SLC24A3: variants seen among roughly 807,000 people sequenced by gnomAD.
The protein encoded by SLC24A3 is solute carrier family 24 member 3.
In SLC24A3, 28 loss-of-function variants were observed where a neutral mutation model predicts 75.8. The observed-to-expected ratio is 0.37, with a 90% CI of 0.27 to 0.51. The LOEUF (loss-of-function observed/expected upper bound fraction) is 0.51. Ranked by LOEUF, SLC24A3 falls within the 20% of genes least tolerant of loss-of-function variation. The pLI is 0.94. For synonymous variants in SLC24A3, 372 were observed against 334.1 expected (o/e 1.11, Z -1.24); for missense variants, 663 against 847.8 (o/e 0.78, Z 2.71).
chr20:19,400,690 C>A (rs184197049), intron 2 of SLC24A3, among the ~76,000 whole-genome samples: 178 of 152,238 alleles, frequency 1.2e-3, no homozygotes, highest in Admixed American at 2.2e-3. Flanking sequence ...CTCTCAACTG[C>A]ATCTCCCCAG....
chr20:19,381,165 T>C (rs1000552730), intron 2 of SLC24A3, among the ~76,000 whole-genome samples: 1 of 152,370 alleles, frequency 6.6e-6, no homozygotes, highest in Non-Finnish European at 1.5e-5. Context: ...TATTCATTTA[T>C]TCATTCAATT....
At chr20:19,447,855 C>T (rs755917754) in intron 2 of SLC24A3, among the ~76,000 whole-genome samples, 5 of 152,194 alleles carry the variant, frequency 3.3e-5, no homozygotes, top group Admixed American at 1.3e-4. Flanking sequence ...ACTTAATCCA[C>T]CTTCAGATCT....
intron 2 of SLC24A3, among the ~76,000 whole-genome samples, chr20:19,468,922 G>A (rs1346933729): frequency 1.3e-5 from 2 of 152,130 alleles, no homozygotes; most frequent in African/African-American, 4.8e-5. Context: ...GGAAGGGAAC[G>A]GTGGGTAATG....
intron 2 of SLC24A3, among the ~76,000 whole-genome samples, chr20:19,495,670 G>T (rs562880565): frequency 2.0e-5 from 3 of 152,196 alleles, no homozygotes; most frequent in Admixed American, 1.3e-4. Context: ...TGACTCCCTC[G>T]GCTGTGCCCA....
At chr20:19,240,746 G>A (rs1031408544) in intron 1 of SLC24A3, among the ~76,000 whole-genome samples, 8 of 152,206 alleles carry the variant, frequency 5.3e-5, no homozygotes, top group African/African-American at 1.9e-4. Context: ...GTGCTCTGGA[G>A]CACAACAACA....
intron 2 of SLC24A3, among the ~76,000 whole-genome samples, chr20:19,494,423 T>A (rs184147939): frequency 2.2e-4 from 33 of 152,324 alleles, no homozygotes; most frequent in African/African-American, 7.9e-4. Context: ...TGCTTGGTTC[T>A]GTCCAGACTC....
At chr20:19,507,069 A>G (rs1988471812) in intron 2 of SLC24A3, among the ~76,000 whole-genome samples, 1 of 152,254 alleles carries the variant, frequency 6.6e-6, no homozygotes, top group Non-Finnish European at 1.5e-5. Flanking sequence ...CTAAATATTT[A>G]GAAAATTAAG....
At chr20:19,269,621 T>C (rs1408402665) in intron 1 of SLC24A3, among the ~76,000 whole-genome samples, 1 of 152,222 alleles carries the variant, frequency 6.6e-6, no homozygotes, top group Admixed American at 6.5e-5. Context: ...CTGAAAGCTG[T>C]CTTCATTGTG....
chr20:19,515,374 G>T, intron 2 of SLC24A3, 114 bp from the exon 3 acceptor site: 1 of 993,088 alleles, frequency 1.0e-6, no homozygotes, highest in Non-Finnish European at 1.6e-6. Context: ...AAAGATTCAG[G>T]ATCTTTTTTT....
chr20:19,664,835 G>A (rs2032378655), intron 7 of SLC24A3, among the ~76,000 whole-genome samples: 1 of 152,200 alleles, frequency 6.6e-6, no homozygotes, highest in Admixed American at 6.5e-5. Context: ...ATGAAATATA[G>A]GTGTACTCAT....
intron 1 of SLC24A3, among the ~76,000 whole-genome samples, chr20:19,233,652 G>C (rs1243180200): frequency 6.6e-6 from 1 of 152,206 alleles, no homozygotes; most frequent in Non-Finnish European, 1.5e-5. Flanking sequence ...TATTGTGCAG[G>C]ACTGATCTTT....
At chr20:19,348,323 T>C (rs1227690673) in intron 2 of SLC24A3, among the ~76,000 whole-genome samples, 2 of 152,162 alleles carry the variant, frequency 1.3e-5, no homozygotes, top group Non-Finnish European at 2.9e-5. Context: ...TGTACTCTCA[T>C]TTTAGCACCT....
At chr20:19,255,209 C>T (rs1009626135) in intron 1 of SLC24A3, among the ~76,000 whole-genome samples, 3 of 152,250 alleles carry the variant, frequency 2.0e-5, no homozygotes, top group African/African-American at 7.2e-5. Flanking sequence ...TATTGTTCCT[C>T]TGCCAAGAGT....
At chr20:19,486,096 C>G (rs1215081542) in intron 2 of SLC24A3, among the ~76,000 whole-genome samples, 1 of 152,134 alleles carries the variant, frequency 6.6e-6, no homozygotes, top group Non-Finnish European at 1.5e-5. Flanking sequence ...GGCCCTGGCT[C>G]AGGTTCACTC....
intron 6 of SLC24A3, among the ~76,000 whole-genome samples, chr20:19,596,637 C>T (rs1423181881): frequency 1.3e-5 from 2 of 152,222 alleles, no homozygotes; most frequent in Non-Finnish European, 2.9e-5. Context: ...CTTACAGTCA[C>T]AGCTTCCCTT....
Position 19,212,890 on chromosome 20 carries a change from CCG to C in SLC24A3, c.50_51del (p.Arg17ProfsTer33). The stretch of plus-strand genomic sequence containing the variant: ...ACCGCGCGCGTCGCCGCCGCCGCCG[CCG>C]CCGCCGGAGGGACCTTCTGCTGAGC... ...EDRARRRRRRRRRRDLLLSQL... is the reference protein window; with the variant it reads ...EDRARRRRRRXRRRDLLLSQL... On this transcript the variant is annotated frameshift_variant, in exon 1 of 17. Transcript: ENST00000328041. LOFTEE classifies it high-confidence loss of function. The C allele has an allele frequency of 2.3e-6, 3 of 1,303,340 alleles. No individual in the cohort carries two copies. The highest frequency in any genetic ancestry group is 2.9e-6 in the Non-Finnish European group (3 of 1,021,238). The allele number at this position is 1,303,340 out of a possible 1,614,324, so 80.7% of individuals were successfully genotyped here.
Position 19,506,619 on chromosome 20 carries a change from T to C in SLC24A3, c.272-8869T>C, listed in dbSNP as rs188875737. On this transcript the variant is annotated intron_variant, in intron 2 of 16. Transcript: ENST00000328041. ...AATTGGGATAATGCTTCCTATCATATAGAAGCAATGAAAAAGTGATAAATA... is the reference window on the plus strand; with the variant it reads ...AATTGGGATAATGCTTCCTATCATACAGAAGCAATGAAAAAGTGATAAATA... Among the ~76,000 whole-genome samples the C allele has an allele frequency of 5.3e-5, 8 of 152,296 alleles. No homozygotes were observed. The South Asian group carries it at 8.3e-4, about 16-fold the overall frequency.
intron 3 of SLC24A3, among the ~76,000 whole-genome samples, chr20:19,556,311 A>C (rs6081649): frequency 0.067 from 10,244 of 152,222 alleles, 426 homozygotes; most frequent in Middle Eastern, 0.12. Context: ...AAATCCAAAA[A>C]TAAAATTCTT....
intron 2 of SLC24A3, among the ~76,000 whole-genome samples, chr20:19,376,523 G>A (rs144618417): frequency 3.2e-4 from 48 of 152,268 alleles, no homozygotes; most frequent in African/African-American, 1.1e-3. Flanking sequence ...GCCCTGCTGC[G>A]AGACAGATTC....
Sources: gnomAD v4.1 joint callset for allele counts (sites outside exome capture counted in the v4.1 genomes callset) on GRCh38, gnomAD v4.1.1 for gene constraint, MANE v1.5 for transcripts, NCBI Gene and HGNC (gene_info 2026-07-23, HGNC 2026-07-21) for gene names.